Variants in GALNT5 observed in about 807,000 individuals in gnomAD.
The protein encoded by GALNT5 is UDP-GalNAc:polypeptide N-acetylgalactosaminyltransferase 5.
In GALNT5, 72 loss-of-function variants were observed where a neutral mutation model predicts 85.4. The ratio of observed to expected loss-of-function variants is 0.84; its 90% CI spans 0.70 to 1.03. The LOEUF is 1.03. Among genes scored for constraint, GALNT5 ranks in the 50% least tolerant of loss-of-function variants. GALNT5 has a pLI of 0.00. For missense variants in GALNT5, 1,137 were observed against 1,135.5 expected, an observed-to-expected ratio of 1.00 and a Z score of -0.02; for synonymous variants, 404 against 397.0, an observed-to-expected ratio of 1.02 and a Z score of -0.21.
rs150144961 is a variant in GALNT5 at position 157,279,481 on chromosome 2, C to A, written c.1455-4801C>A. Among the ~76,000 whole-genome samples the A allele has an allele frequency of 4.5e-3, 687 of 152,286 alleles. 5 individuals are homozygous for A. The highest frequency in any genetic ancestry group is 0.015 in the African/African-American group (644 of 41,554). On this transcript the variant is annotated intron_variant, in intron 1 of 9. Transcript: ENST00000259056. ...CTTGCTGAGCTGCGGTGGGCTCCACCCAGTTTGAGCTGCTTTGTTTACCTA... is the reference window on the plus strand; with the variant it reads ...CTTGCTGAGCTGCGGTGGGCTCCACACAGTTTGAGCTGCTTTGTTTACCTA...
In GALNT5 at chr2:157,262,512, C is replaced by T. The variant is rs901816644; in HGVS notation, c.1454+2976C>T. On this transcript the variant is annotated intron_variant, in intron 1 of 9. Transcript: ENST00000259056. ...AATTACCCAAGGGTGGTGGTGCATG[C>T]CTGTAGTCTCAGCCACTCAGGAAGC... Among the ~76,000 whole-genome samples the T allele has an allele frequency of 3.3e-5, 5 of 151,780 alleles. 1 individual carries two copies. Among genetic ancestry groups the T allele is most frequent in the Admixed American group, 3.3e-4 (5 of 15,246 alleles).
At chr2:157,288,965 G>A (rs888342039) in intron 3 of GALNT5, among the ~76,000 whole-genome samples, 4 of 152,162 alleles carry the variant, frequency 2.6e-5, no homozygotes, top group Non-Finnish European at 5.9e-5. Flanking sequence ...CCTAGGACTG[G>A]TATCTGAACA....
rs533819496 is a variant in GALNT5, at chr2:157,313,587, G to T, written c.*2239G>T. The T allele has an allele frequency of 1.3e-5, 2 of 152,238 alleles. No homozygotes were observed. Among genetic ancestry groups the T allele is most frequent in the South Asian group, 4.1e-4 (2 of 4,822 alleles). 9.4% of individuals were successfully genotyped at this position (152,238 alleles called of 1,614,324 possible). ...GTAATTCTTCATGTAACTAAAAAAT[G>T]TTGAGAGGTTTTTTTCCCCCGGGTA... On this transcript the variant is annotated 3_prime_UTR_variant, in exon 10 of 10. Coordinates refer to ENST00000259056, the MANE Select transcript of GALNT5 (RefSeq NM_014568.3).
chr2:157,317,592 G>A lies in GALNT5; in HGVS notation c.*6244G>A, dbSNP rs1291789696. Among the ~76,000 whole-genome samples, 2 of 152,124 alleles carry A rather than the reference G, an allele frequency of 1.3e-5. No homozygotes were observed. Among genetic ancestry groups the A allele is most frequent in the Non-Finnish European group, 2.9e-5 (2 of 67,984 alleles). ...GGGAGAATAAAACTAAAACTGTGGAGTATAAAGGATGTTGGAATTAAACAT... is the reference window on the plus strand; with the variant it reads ...GGGAGAATAAAACTAAAACTGTGGAATATAAAGGATGTTGGAATTAAACAT... On this transcript the variant is annotated 3_prime_UTR_variant, in exon 10 of 10. Transcript: ENST00000259056.
chr2:157,310,045 G>A (rs1231626913), intron 9 of GALNT5, among the ~76,000 whole-genome samples: 2 of 152,110 alleles, frequency 1.3e-5, no homozygotes, highest in Admixed American at 6.6e-5. Flanking sequence ...GAATAAGAAC[G>A]AGAACTAAAA....
At chr2:157,275,837 C>T (rs1252550445) in intron 1 of GALNT5, among the ~76,000 whole-genome samples, 5 of 152,076 alleles carry the variant, frequency 3.3e-5, no homozygotes, top group Non-Finnish European at 7.4e-5. Flanking sequence ...TGCCAGATTG[C>T]CCTGGCCATT....
Position 157,299,538 on chromosome 2 carries a change from C to G in GALNT5, c.1998-10C>G. 2 of 1,540,928 alleles carry G rather than the reference C, an allele frequency of 1.3e-6. No homozygotes were observed. Among genetic ancestry groups the G allele is most frequent in the Non-Finnish European group, 1.8e-6 (2 of 1,120,462 alleles). ...ATGCAAGTTTAAAAAACAAACTTTT[C>G]TTTTTGTAGGTGCCCTGTCATGGCT... On this transcript the variant is annotated splice_polypyrimidine_tract_variant and intron_variant, in intron 5 of 9. Transcript: ENST00000259056.
At chr2:157,284,206 G>T in intron 1 of GALNT5, 76 bp from the exon 2 acceptor site, 1 of 1,185,436 alleles carries the variant, frequency 8.4e-7, no homozygotes, top group South Asian at 1.2e-5. Flanking sequence ...GCACACCATC[G>T]CACTCTGTGA....
chr2:157,300,606 G>C, intron 6 of GALNT5, 70 bp from the exon 7 acceptor site: 1 of 1,241,678 alleles, frequency 8.1e-7, no homozygotes, highest in Admixed American at 1.8e-5. Context: ...GTGGTTTCTT[G>C]TCATTGTTAA....
chr2:157,282,913 G>T (rs902911448), intron 1 of GALNT5, among the ~76,000 whole-genome samples: 3 of 152,168 alleles, frequency 2.0e-5, no homozygotes, highest in African/African-American at 7.2e-5. Flanking sequence ...TAGCACTTTG[G>T]CAACACTAGA....
intron 8 of GALNT5, among the ~76,000 whole-genome samples, chr2:157,308,080 A>G (rs1490537860): frequency 1.3e-5 from 2 of 152,152 alleles, no homozygotes; most frequent in Non-Finnish European, 2.9e-5. Flanking sequence ...TTATACAAGG[A>G]AGCATAAAAT....
intron 3 of GALNT5, among the ~76,000 whole-genome samples, chr2:157,292,418 G>C (rs1412331036): frequency 1.3e-5 from 2 of 152,136 alleles, no homozygotes; most frequent in East Asian, 3.9e-4. Context: ...ATGCACAGGA[G>C]GATTCTCCTC....
chr2:157,283,585 C>A (rs530805798), intron 1 of GALNT5, among the ~76,000 whole-genome samples: 6 of 152,240 alleles, frequency 3.9e-5, no homozygotes, highest in African/African-American at 1.4e-4. Flanking sequence ...AATTATTTGG[C>A]ACATATATAT....
At chr2:157,267,628 G>A (rs1040921386) in intron 1 of GALNT5, among the ~76,000 whole-genome samples, 5 of 152,122 alleles carry the variant, frequency 3.3e-5, no homozygotes, top group Admixed American at 6.6e-5. Context: ...TCTCCCTGCC[G>A]TCCCAATTTC....
intron 5 of GALNT5, among the ~76,000 whole-genome samples, chr2:157,298,117 G>C (rs943691986): frequency 3.9e-5 from 6 of 152,180 alleles, no homozygotes; most frequent in African/African-American, 1.4e-4. Flanking sequence ...TGAGGCAGGA[G>C]AATAGGGTCT....
intron 1 of GALNT5, among the ~76,000 whole-genome samples, chr2:157,271,103 A>G (rs1229808679): frequency 9.2e-6 from 1 of 108,400 alleles, no homozygotes; most frequent in Non-Finnish European, 1.6e-5. Flanking sequence ...ACTCTGTCTC[A>G]AAAAAAAAAA....
chr2:157,310,936 A>G (rs989503737), intron 9 of GALNT5, among the ~76,000 whole-genome samples: 1 of 152,222 alleles, frequency 6.6e-6, no homozygotes, highest in African/African-American at 2.4e-5. Context: ...TTTAAAGAGT[A>G]TAGTTCTCAG....
intron 1 of GALNT5, among the ~76,000 whole-genome samples, chr2:157,263,045 T>C (rs1682383382): frequency 6.6e-6 from 1 of 151,542 alleles, no homozygotes; most frequent in Non-Finnish European, 1.5e-5. Context: ...GCCAGGATGG[T>C]CTCGATCTCC....
Position 157,259,245 on chromosome 2 carries a change from G to A in GALNT5, c.1163G>A (p.Gly388Glu). Residue 388 changes from glycine (G) to glutamate (E), a missense_variant, in exon 1 of 10, where the codon GGG becomes GAG. By Grantham distance (98) the Gly-to-Glu change is moderately conservative. Transcript: ENST00000259056. Reference protein sequence around the residue: ...LSQTNHALTGGLEPAKINITA... With the variant: ...LSQTNHALTGELEPAKINITA... ...CAAACTAACCATGCTTTAACTGGAG[G>A]GCTAGAGCCAGCAAAAATCAACATA... 3.7e-6 allele frequency: 6 copies of A among 1,610,016 alleles called. No homozygotes were observed. The highest frequency in any genetic ancestry group is 5.1e-6 in the Non-Finnish European group (6 of 1,178,198).
Sources: gnomAD v4.1 joint callset for allele counts (sites outside exome capture counted in the v4.1 genomes callset) on GRCh38, gnomAD v4.1.1 for gene constraint, MANE v1.5 for transcripts, NCBI Gene and HGNC (gene_info 2026-07-23, HGNC 2026-07-21) for gene names.